Variants in NPC1 observed in about 807,000 individuals in gnomAD.
NPC1 encodes Niemann-Pick C1 protein.
NPC1 carries 85 observed loss-of-function variants against 140.4 expected under a neutral mutation model. That is an observed-to-expected ratio of 0.61 (90% CI 0.51 to 0.72). The LOEUF (loss-of-function observed/expected upper bound fraction) is 0.72. Ranked by LOEUF, NPC1 falls within the 30% of genes least tolerant of loss-of-function variation. The pLI is 0.00. For missense variants in NPC1, 1,504 were observed against 1,623.8 expected, an observed-to-expected ratio of 0.93 and a Z score of 1.27; for synonymous variants, 656 against 624.8, an observed-to-expected ratio of 1.05 and a Z score of -0.74.
Position 23,556,674 on chromosome 18 carries a change from G to A in NPC1, c.956-61C>T, listed in dbSNP as rs58319130. On this transcript the variant is annotated intron_variant, in intron 7 of 24. Coordinates refer to ENST00000269228, the MANE Select transcript of NPC1 (RefSeq NM_000271.5). Reference sequence around the variant, plus strand: ...AAGAGCCAAGCCGTTCCTGAAAGTCGGAACAGGGAAAGCATTAGTTGCTAT... The same window carrying A: ...AAGAGCCAAGCCGTTCCTGAAAGTCAGAACAGGGAAAGCATTAGTTGCTAT... The A allele has an allele frequency of 2.7e-3, 4,252 of 1,598,552 alleles. 95 individuals carry two copies. In the African/African-American group the frequency reaches 0.05, roughly 19 times the overall value.
chr18:23,552,196 C>T (rs1206887971), intron 9 of NPC1, among the ~76,000 whole-genome samples: 4 of 152,022 alleles, frequency 2.6e-5, no homozygotes, highest in East Asian at 1.9e-4. Flanking sequence ...TATGGTGGCA[C>T]GCCTAATCTC....
chr18:23,566,112 T>A (rs2059119510), intron 4 of NPC1, among the ~76,000 whole-genome samples: 1 of 152,008 alleles, frequency 6.6e-6, no homozygotes. Flanking sequence ...ATTAAAAAAA[T>A]AATGGACTCG....
chr18:23,548,608 A>C (rs780782772), intron 10 of NPC1, among the ~76,000 whole-genome samples: 1 of 152,078 alleles, frequency 6.6e-6, no homozygotes. Context: ...TATCTTGGAG[A>C]CTGCTCCATA....
chr18:23,519,334 A>T (rs1335613148), downstream of NPC1, among the ~76,000 whole-genome samples: 2 of 152,146 alleles, frequency 1.3e-5, no homozygotes, highest in Admixed American at 6.5e-5. Context: ...CCTGAGCAGC[A>T]TGGCAAAACC....
At chr18:23,551,320 G>A (rs1314312917) in intron 10 of NPC1, among the ~76,000 whole-genome samples, 1 of 152,122 alleles carries the variant, frequency 6.6e-6, no homozygotes, top group African/African-American at 2.4e-5. Context: ...AACTTCGGAG[G>A]CCCATGACCT....
At chr18:23,524,180 C>G in intron 1 of NPC1, 1 of 1,613,490 alleles carries the variant, frequency 6.2e-7, no homozygotes, top group Non-Finnish European at 8.5e-7. Context: ...ACTCTGTATC[C>G]TTTACTAAGG....
Position 23,572,280 on chromosome 18 carries a change from G to C in NPC1, c.181-100C>G, listed in dbSNP as rs1183833943. 1.1e-5 allele frequency: 9 copies of C among 795,172 alleles called. No homozygotes were observed. In the East Asian group the frequency reaches 2.4e-4, roughly 21 times the overall value. 49.3% of individuals were successfully genotyped at this position (795,172 alleles called of 1,614,324 possible). A position where few individuals can be genotyped will look rare whatever the true frequency, so the allele number is the denominator to read the frequency against. ...ACACATTCATTCATGTAATCCTTTT[G>C]AAGTACAAAAGGGTAAGACACATCC... On this transcript the variant is annotated intron_variant, in intron 2 of 24. Transcript: ENST00000269228.
chr18:23,545,819 C>T (rs1346007919), intron 11 of NPC1, among the ~76,000 whole-genome samples: 1 of 152,146 alleles, frequency 6.6e-6, no homozygotes, highest in African/African-American at 2.4e-5. Context: ...GTCTCAAACT[C>T]CTGGCCTCAA....
intron 9 of NPC1, 55 bp from the exon 10 acceptor site, chr18:23,551,782 G>T: frequency 1.7e-6 from 2 of 1,153,636 alleles, no homozygotes; most frequent in Non-Finnish European, 2.6e-6. Flanking sequence ...AGACATCAGG[G>T]ACCTAAACAT....
At chr18:23,535,439 G>A in intron 22 of NPC1, 30 bp downstream of exon 22, 2 of 1,489,080 alleles carry the variant, frequency 1.3e-6, no homozygotes, top group South Asian at 2.3e-5. Context: ...ACAGGAGCTA[G>A]GGACAAACTG....
At chr18:23,545,717 G>A (rs1377611589) in intron 11 of NPC1, among the ~76,000 whole-genome samples, 2 of 152,138 alleles carry the variant, frequency 1.3e-5, no homozygotes, top group Non-Finnish European at 2.9e-5. Flanking sequence ...TTAGCCTCTT[G>A]AGTAGCTGGT....
At chr18:23,536,591 T>A in intron 21 of NPC1, 82 bp downstream of exon 21, 1 of 1,244,908 alleles carries the variant, frequency 8.0e-7, no homozygotes, top group Non-Finnish European at 1.2e-6. Flanking sequence ...AAAATCAGCA[T>A]CTTGCCAAGG....
intron 3 of NPC1, among the ~76,000 whole-genome samples, chr18:23,515,398 G>C (rs1352412669): frequency 1.3e-5 from 2 of 152,188 alleles, no homozygotes; most frequent in Non-Finnish European, 2.9e-5. Flanking sequence ...GCTCTGTAAA[G>C]CACCAAGCAT....
Position 23,534,466 on chromosome 18 carries a change from G to A in NPC1, c.3571C>T (p.Leu1191Phe). The A allele has an allele frequency of 6.2e-7, 1 of 1,613,616 alleles. No individual in the cohort carries two copies. The highest frequency in any genetic ancestry group is 8.5e-7 in the Non-Finnish European group (1 of 1,179,894). ...CTCACGGAGCTGCCCATGTGGGCAAGTGCCTCTTCCGCGCGCTCCACGCGG... is the reference window on the plus strand; with the variant it reads ...CTCACGGAGCTGCCCATGTGGGCAAATGCCTCTTCCGCGCGCTCCACGCGG... ...GSRVERAEEA[L>F]AHMGSSVFSG... Residue 1191 changes from leucine (L) to phenylalanine (F), a missense_variant, in exon 23 of 25, where the codon CTT (leucine) becomes TTT (phenylalanine). Coordinates refer to ENST00000269228, the MANE Select transcript of NPC1 (RefSeq NM_000271.5).
intron 3 of NPC1, among the ~76,000 whole-genome samples, chr18:23,514,738 A>G (rs766715627): frequency 4.6e-5 from 7 of 152,176 alleles, no homozygotes; most frequent in Non-Finnish European, 7.4e-5. Flanking sequence ...GCAGTGGGAA[A>G]GTATACCTTA....
downstream of NPC1, chr18:23,529,253 G>A: frequency 6.2e-7 from 1 of 1,614,072 alleles, no homozygotes; most frequent in Non-Finnish European, 8.5e-7. Context: ...TGCTGGACCA[G>A]TCAGATGTGT....
chr18:23,575,945 C>T (rs1418904866), intron 1 of NPC1, among the ~76,000 whole-genome samples: 1 of 151,456 alleles, frequency 6.6e-6, no homozygotes, highest in South Asian at 2.1e-4. Context: ...AACAACAGGC[C>T]GGGCACGGTG....
intron 3 of NPC1, among the ~76,000 whole-genome samples, chr18:23,514,945 G>A (rs1291239334): frequency 6.6e-6 from 1 of 152,052 alleles, no homozygotes; most frequent in African/African-American, 2.4e-5. Flanking sequence ...GGAATATTTA[G>A]GGTACATTGA....
intron 3 of NPC1, among the ~76,000 whole-genome samples, chr18:23,513,409 G>A (rs759053256): frequency 3.9e-5 from 6 of 152,350 alleles, no homozygotes; most frequent in Middle Eastern, 6.8e-3. Context: ...ACCGCACTGA[G>A]CGTATACACC....
Sources: allele counts gnomAD v4.1 joint callset (sites outside exome capture counted in the v4.1 genomes callset), GRCh38; gene constraint gnomAD v4.1.1; transcripts MANE v1.5; gene names NCBI Gene and HGNC (gene_info 2026-07-23, HGNC 2026-07-21).